MYRIP: variants seen among roughly 807,000 people sequenced by gnomAD.
The protein encoded by MYRIP is myosin VIIA and Rab interacting protein.
Under a neutral mutation model 98.0 loss-of-function variants are expected in MYRIP, and 49 were observed. That is an observed-to-expected ratio of 0.50 (90% CI 0.40 to 0.63). MYRIP has a LOEUF of 0.63. Ranked by LOEUF, MYRIP falls within the 30% of genes least tolerant of loss-of-function variation. The pLI, the probability that MYRIP is intolerant of heterozygous loss-of-function variation, is 0.00. For missense variants in MYRIP, 1,004 were observed against 1,058.2 expected (o/e 0.95, Z 0.71); for synonymous variants, 404 against 409.5 (o/e 0.99, Z 0.16).
At chr3:39,872,012 T>C (rs1302091068) in intron 1 of MYRIP, among the ~76,000 whole-genome samples, 4 of 152,062 alleles carry the variant, frequency 2.6e-5, no homozygotes, top group Non-Finnish European at 5.9e-5. Context: ...TTATTTAAGA[T>C]ATTTTTGTAT....
intron 15 of MYRIP, 85 bp downstream of exon 15, chr3:40,250,584 A>C (rs1953343681): frequency 1.4e-6 from 2 of 1,440,180 alleles, no homozygotes; most frequent in Non-Finnish European, 9.7e-7. Flanking sequence ...GAGTTTGAGA[A>C]TTAGATCTAA....
intron 2 of MYRIP, among the ~76,000 whole-genome samples, chr3:40,026,874 CT>C: frequency 6.6e-6 from 1 of 152,284 alleles, no homozygotes; most frequent in African/African-American, 2.4e-5. Context: ...CTGGCTTCCC[CT>C]CTTCAGCCTT....
In MYRIP at chr3:39,979,669, C is replaced by A. The variant is rs989481152; in HGVS notation, c.111-64381C>A. Among the ~76,000 whole-genome samples the A allele has an allele frequency of 4.0e-3, 546 of 137,222 alleles. 2 individuals are homozygous for A. Among genetic ancestry groups the A allele is most frequent in the Middle Eastern group, 7.8e-3 (2 of 256 alleles). 90.0% of individuals were successfully genotyped at this position (137,222 alleles called of 152,430 possible). ...CCAAAACAAAACAAAAAAAAAAAAA[C>A]AAAAAAAAACTAAGCAGCTGACTTG... is the stretch of plus-strand genomic sequence containing the variant. On this transcript the variant is annotated intron_variant, in intron 2 of 16. Coordinates refer to ENST00000302541, the MANE Select transcript of MYRIP (RefSeq NM_015460.4).
intron 3 of MYRIP, among the ~76,000 whole-genome samples, chr3:40,069,776 C>A (rs568715362): frequency 6.6e-6 from 1 of 152,156 alleles, no homozygotes; most frequent in Admixed American, 6.5e-5. Flanking sequence ...TTACGGTGTG[C>A]GGAGAGGGAT....
At chr3:39,973,962 T>C (rs1304667302) in intron 2 of MYRIP, among the ~76,000 whole-genome samples, 1 of 152,044 alleles carries the variant, frequency 6.6e-6, no homozygotes, top group Non-Finnish European at 1.5e-5. Context: ...AGATCTAAAA[T>C]GGACACCCTA....
intron 2 of MYRIP, among the ~76,000 whole-genome samples, chr3:39,988,175 G>A (rs2125768313): frequency 6.6e-6 from 1 of 152,210 alleles, no homozygotes; most frequent in African/African-American, 2.4e-5. Flanking sequence ...TGGGGGAAGG[G>A]GGAAAGGATA....
intron 2 of MYRIP, among the ~76,000 whole-genome samples, chr3:39,914,030 G>T (rs983906586): frequency 3.9e-5 from 6 of 152,150 alleles, no homozygotes; most frequent in African/African-American, 1.4e-4. Flanking sequence ...TCTACATTCA[G>T]ATGAGATGCT....
Position 40,042,642 on chromosome 3 carries a change from G to A in MYRIP, c.111-1408G>A, listed in dbSNP as rs549973124. Among the ~76,000 whole-genome samples the A allele has an allele frequency of 1.5e-3, 231 of 152,062 alleles. 2 individuals are homozygous for A. The highest frequency in any genetic ancestry group is 5.4e-3 in the African/African-American group (226 of 41,486). On this transcript the variant is annotated intron_variant, in intron 2 of 16. Coordinates refer to ENST00000302541, the MANE Select transcript of MYRIP (RefSeq NM_015460.4). ...ATAAAAATAGTAGTAAAGATAAAAA[G>A]TAAAAAAAGTAATAAAGTAAAATAG...
At chr3:40,063,694 ATTTTGAT>A (rs1948068473) in intron 3 of MYRIP, among the ~76,000 whole-genome samples, 1 of 152,200 alleles carries the variant, frequency 6.6e-6, no homozygotes, top group Non-Finnish European at 1.5e-5. Context: ...CCAGGTGGGA[ATTTTGAT>A]CTCCTTGAAA....
intron 11 of MYRIP, among the ~76,000 whole-genome samples, chr3:40,229,577 A>G (rs1040171178): frequency 2.0e-5 from 3 of 152,170 alleles, no homozygotes; most frequent in Admixed American, 1.3e-4. Context: ...TTAATGAGCA[A>G]TTGAGGAAAC....
At chr3:40,160,804 G>A (rs1950373465) in intron 4 of MYRIP, among the ~76,000 whole-genome samples, 1 of 152,168 alleles carries the variant, frequency 6.6e-6, no homozygotes, top group Non-Finnish European at 1.5e-5. Flanking sequence ...ACTAGGAAAG[G>A]GAACTCCCTG....
intron 16 of MYRIP, among the ~76,000 whole-genome samples, chr3:40,254,069 T>C (rs1413131568): frequency 6.6e-6 from 1 of 152,196 alleles, no homozygotes; most frequent in Non-Finnish European, 1.5e-5. Context: ...AGTAAATAAT[T>C]TGCATGAACT....
rs1381226363 is a variant in MYRIP, at chr3:39,869,422, ATCTC to A, written c.-30-31361_-30-31358del. ...TAATTTGTTTTTTTTCATAATTTCT[ATCTC>A]TCTATTGATATTCTCTGGTGATACA... On this transcript the variant is annotated intron_variant, in intron 1 of 16. Transcript: ENST00000302541. 2.6e-5 allele frequency among the ~76,000 whole-genome samples: 4 copies of A among 151,846 alleles called. No homozygotes were observed. The East Asian group carries it at 5.8e-4, about 22-fold the overall frequency.
At chr3:40,124,082 G>T (rs2125913017) in intron 3 of MYRIP, among the ~76,000 whole-genome samples, 1 of 152,286 alleles carries the variant, frequency 6.6e-6, no homozygotes, top group Admixed American at 6.5e-5. Context: ...CCTCACTTCT[G>T]CCATATTCTA....
chr3:39,835,976 C>G lies in MYRIP; in HGVS notation c.-31+26060C>G, dbSNP rs543465281. Among the ~76,000 whole-genome samples the G allele has an allele frequency of 1.4e-3, 210 of 152,274 alleles. 1 individual carries two copies. The highest frequency in any genetic ancestry group is 2.7e-3 in the Non-Finnish European group (181 of 68,032). ...CCATGATGTATATGTGCCACATTTTCTTTATTCAGTCTAACATTGATGGGC... is the reference window on the plus strand; with the variant it reads ...CCATGATGTATATGTGCCACATTTTGTTTATTCAGTCTAACATTGATGGGC... On this transcript the variant is annotated intron_variant, in intron 1 of 16. Coordinates refer to ENST00000302541, the MANE Select transcript of MYRIP (RefSeq NM_015460.4).
chr3:39,821,334 AC>A (rs900638844), intron 1 of MYRIP, among the ~76,000 whole-genome samples: 3 of 126,286 alleles, frequency 2.4e-5, no homozygotes, highest in South Asian at 2.9e-4. Context: ...CCCCTGTACC[AC>A]CCCGCCCCGA....
At chr3:40,015,579 C>A (rs945318304) in intron 2 of MYRIP, among the ~76,000 whole-genome samples, 2 of 152,190 alleles carry the variant, frequency 1.3e-5, no homozygotes, top group Non-Finnish European at 2.9e-5. Context: ...TGCAAGGGAG[C>A]CAGATTCTGC....
intron 11 of MYRIP, chr3:40,232,746 G>A (rs1054247564): frequency 2.6e-5 from 4 of 152,144 alleles, no homozygotes; most frequent in African/African-American, 9.7e-5. Flanking sequence ...GGGTTGTTGT[G>A]CCTCTGCTTC....
intron 12 of MYRIP, among the ~76,000 whole-genome samples, chr3:40,236,672 G>A (rs1318444758): frequency 1.3e-5 from 2 of 152,244 alleles, no homozygotes; most frequent in Non-Finnish European, 2.9e-5. Context: ...GTGACACTGA[G>A]AAATTTGGAC....
Sources: allele counts gnomAD v4.1 joint callset (sites outside exome capture counted in the v4.1 genomes callset), GRCh38; gene constraint gnomAD v4.1.1; transcripts MANE v1.5; gene names NCBI Gene and HGNC (gene_info 2026-07-23, HGNC 2026-07-21).